The following BPIFC variants were observed in gnomAD, a reference collection of about 807,000 sequenced individuals.
BPIFC encodes BPI fold containing family C.
A neutral mutation model predicts 57.6 loss-of-function variants in BPIFC; 60 were observed. That is an observed-to-expected ratio of 1.04 (90% CI 0.85 to 1.29). The LOEUF (loss-of-function observed/expected upper bound fraction) is 1.29. BPIFC is among the 50% of genes most tolerant of loss of function. BPIFC has a pLI of 0.00. For synonymous variants in BPIFC, 243 were observed against 224.5 expected (o/e 1.08, Z -0.74); for missense variants, 581 against 600.5 (o/e 0.97, Z 0.34).
At chr22:32,428,430 G>A (rs932010687) in intron 13 of BPIFC, among the ~76,000 whole-genome samples, 3 of 151,484 alleles carry the variant, frequency 2.0e-5, no homozygotes, top group Non-Finnish European at 2.9e-5. Flanking sequence ...CACCCTGCCC[G>A]GCCTCTCATG....
intron 15 of BPIFC, 76 bp downstream of exon 15, chr22:32,417,009 A>C: frequency 8.1e-7 from 1 of 1,236,246 alleles, no homozygotes; most frequent in Non-Finnish European, 1.2e-6. Flanking sequence ...AGTCCCAAAC[A>C]ATCCCCAGTG....
chr22:32,452,344 T>A (rs1934917594), intron 4 of BPIFC, among the ~76,000 whole-genome samples: 2 of 152,108 alleles, frequency 1.3e-5, no homozygotes, highest in Admixed American at 1.3e-4. Flanking sequence ...TGTCAAAACA[T>A]CTTGGTTTTG....
At chr22:32,449,935 C>G (rs188985157) in intron 4 of BPIFC, among the ~76,000 whole-genome samples, 1 of 151,896 alleles carries the variant, frequency 6.6e-6, no homozygotes. Context: ...GGGGTTTCAC[C>G]GTGTTAGCCA....
intron 14 of BPIFC, 42 bp downstream of exon 14, chr22:32,419,320 G>C (rs760530176): frequency 1.8e-5 from 29 of 1,577,486 alleles, no homozygotes; most frequent in Non-Finnish European, 2.3e-5. Flanking sequence ...GAGAATCCTC[G>C]TTCTTCCAGT....
At chr22:32,456,480 T>C (rs1287673636) in intron 3 of BPIFC, among the ~76,000 whole-genome samples, 1 of 151,680 alleles carries the variant, frequency 6.6e-6, no homozygotes, top group East Asian at 1.9e-4. Flanking sequence ...TTATTTATTT[T>C]ATTTTTTCTG....
chr22:32,426,684 G>A (rs1234639079), intron 13 of BPIFC, among the ~76,000 whole-genome samples: 2 of 152,136 alleles, frequency 1.3e-5, no homozygotes, highest in Non-Finnish European at 2.9e-5. Flanking sequence ...CTGAGGTCAG[G>A]AGTTCGAGAC....
At chr22:32,433,402 C>A (rs1934301899) in intron 11 of BPIFC, among the ~76,000 whole-genome samples, 1 of 152,132 alleles carries the variant, frequency 6.6e-6, no homozygotes, top group Non-Finnish European at 1.5e-5. Context: ...GGGCACTAAT[C>A]CTTCATTTAA....
chr22:32,448,353 G>A (rs761303089), intron 4 of BPIFC, among the ~76,000 whole-genome samples: 22 of 152,102 alleles, frequency 1.4e-4, no homozygotes, highest in African/African-American at 3.6e-4. Flanking sequence ...GATTATAGGC[G>A]TGAGCCACTG....
intron 9 of BPIFC, 52 bp downstream of exon 9, chr22:32,437,708 A>G: frequency 7.5e-7 from 1 of 1,332,492 alleles, no homozygotes; most frequent in South Asian, 1.2e-5. Flanking sequence ...ATTGTTTTCT[A>G]AATATTGGCT....
intron 13 of BPIFC, among the ~76,000 whole-genome samples, chr22:32,425,292 A>C (rs1380082186): frequency 6.6e-6 from 1 of 152,176 alleles, no homozygotes; most frequent in African/African-American, 2.4e-5. Context: ...CATTTAATCT[A>C]CTGACATTTA....
chr22:32,443,100 G>A (rs185087103), intron 7 of BPIFC, among the ~76,000 whole-genome samples: 21 of 151,898 alleles, frequency 1.4e-4, no homozygotes, highest in Admixed American at 2.6e-4. Flanking sequence ...TGGGGGTGCC[G>A]CCAGCTTGCC....
At chr22:32,436,112 T>C (rs1934386005) in intron 9 of BPIFC, among the ~76,000 whole-genome samples, 1 of 151,956 alleles carries the variant, frequency 6.6e-6, no homozygotes, top group African/African-American at 2.4e-5. Context: ...CTGGGCAACA[T>C]GGCAGGCCCC....
At chr22:32,436,623 C>G (rs1215243398) in intron 9 of BPIFC, among the ~76,000 whole-genome samples, 1 of 152,014 alleles carries the variant, frequency 6.6e-6, no homozygotes, top group African/African-American at 2.4e-5. Context: ...AGGGTGTAAC[C>G]CAATGAGAAC....
intron 7 of BPIFC, among the ~76,000 whole-genome samples, chr22:32,443,990 T>C (rs1456447852): frequency 6.6e-6 from 1 of 152,188 alleles, no homozygotes; most frequent in Non-Finnish European, 1.5e-5. Flanking sequence ...ATAGCCGGGA[T>C]TTGAACTCAG....
At chr22:32,434,470 A>C (rs2145932838) in intron 10 of BPIFC, among the ~76,000 whole-genome samples, 1 of 149,852 alleles carries the variant, frequency 6.7e-6, no homozygotes, top group African/African-American at 2.4e-5. Flanking sequence ...CTATGTGTAC[A>C]TATTCTTCAT....
chr22:32,463,137 A>G (rs1363350737), intron 1 of BPIFC, among the ~76,000 whole-genome samples: 2 of 152,188 alleles, frequency 1.3e-5, no homozygotes, highest in African/African-American at 4.8e-5. Flanking sequence ...TTTATGAGTG[A>G]AAGAAATTAC....
chr22:32,430,793 C>T (rs1934217962), intron 13 of BPIFC, among the ~76,000 whole-genome samples: 1 of 151,730 alleles, frequency 6.6e-6, no homozygotes, highest in African/African-American at 2.4e-5. Flanking sequence ...GCGGTGCACA[C>T]CACGCCTAGC....
At chr22:32,440,732 T>C (rs1232899931) in intron 8 of BPIFC, among the ~76,000 whole-genome samples, 1 of 152,166 alleles carries the variant, frequency 6.6e-6, no homozygotes, top group East Asian at 1.9e-4. Flanking sequence ...CTGACCTACA[T>C]TTGATCTGTT....
At chr22:32,436,032 G>T in intron 9 of BPIFC, 152 bp from the exon 10 acceptor site, 1 of 770,336 alleles carries the variant, frequency 1.3e-6, no homozygotes, top group Non-Finnish European at 2.0e-6. Flanking sequence ...CACTTTGGGA[G>T]GCTGAGGCGG....
Sources: allele counts gnomAD v4.1 joint callset (sites outside exome capture counted in the v4.1 genomes callset), GRCh38; gene constraint gnomAD v4.1.1; transcripts MANE v1.5; gene names NCBI Gene and HGNC (gene_info 2026-07-23, HGNC 2026-07-21).